CSRNP3: variants seen among roughly 807,000 people sequenced by gnomAD.
CSRNP3 encodes the protein cysteine/serine-rich nuclear protein 3.
CSRNP3 carries 12 observed loss-of-function variants against 48.0 expected under a neutral mutation model. That is an observed-to-expected ratio of 0.25 (90% CI 0.16 to 0.41). The LOEUF (loss-of-function observed/expected upper bound fraction) is 0.41, where lower values mean the gene tolerates loss of function less well. Among genes scored for constraint, CSRNP3 ranks in the 10% least tolerant of loss-of-function variants. CSRNP3 has a pLI of 1.00. For missense variants in CSRNP3, 580 were observed against 724.4 expected, an observed-to-expected ratio of 0.80 and a Z score of 2.29; for synonymous variants, 263 against 269.7, an observed-to-expected ratio of 0.98 and a Z score of 0.24.
chr2:165,495,087 C>T (rs761775461), intron 2 of CSRNP3, among the ~76,000 whole-genome samples, 159 bp downstream of exon 2: 24 of 152,004 alleles, frequency 1.6e-4, no homozygotes, highest in Admixed American at 6.6e-4. Context: ...AATTAAACTT[C>T]AGCAGTATAC....
At chr2:165,544,236 T>C (rs527767633) in intron 3 of CSRNP3, among the ~76,000 whole-genome samples, 57 of 151,998 alleles carry the variant, frequency 3.8e-4, no homozygotes, top group African/African-American at 1.4e-3. Context: ...TCTGGAGAAA[T>C]AGTGCTCCAG....
In CSRNP3 at chr2:165,513,227, G is replaced by A. The variant is rs536089760; in HGVS notation, c.-112-4646G>A. ...TTCAGAGTAAATGATGCTTGTGCTGGTTGCAGGCATATTAATTATGCAATG... is the reference window on the plus strand; with the variant it reads ...TTCAGAGTAAATGATGCTTGTGCTGATTGCAGGCATATTAATTATGCAATG... On this transcript the variant is annotated intron_variant, in intron 2 of 6. Coordinates refer to ENST00000651982, the MANE Select transcript of CSRNP3 (RefSeq NM_001172173.2). 6.6e-5 allele frequency among the ~76,000 whole-genome samples: 10 copies of A among 152,284 alleles called. 1 individual carries two copies. The South Asian group carries it at 2.1e-3, about 32-fold the overall frequency.
intron 3 of CSRNP3, among the ~76,000 whole-genome samples, chr2:165,520,783 T>TTATATATATATA (rs869287628): frequency 1.3e-4 from 4 of 29,682 alleles, no homozygotes; most frequent in African/African-American, 7.7e-4. Flanking sequence ...TATATATATA[T>TTATATATATATA]TATATATATA....
chr2:165,602,726 C>T lies in CSRNP3; in HGVS notation c.148+7513C>T, dbSNP rs189590035. 3.9e-4 allele frequency among the ~76,000 whole-genome samples: 60 copies of T among 152,198 alleles called. 1 individual carries two copies. The highest frequency in any genetic ancestry group is 1.3e-3 in the African/African-American group (53 of 41,548). On this transcript the variant is annotated intron_variant, in intron 4 of 6. Coordinates refer to ENST00000651982, the MANE Select transcript of CSRNP3 (RefSeq NM_001172173.2). ...TTCTTCTGGTCTTACTGAGACCATC[C>T]TTCAAACAGAAATATCTTTTTTTCC...
At chr2:165,602,683 A>G (rs1685934776) in intron 4 of CSRNP3, among the ~76,000 whole-genome samples, 1 of 152,172 alleles carries the variant, frequency 6.6e-6, no homozygotes, top group South Asian at 2.1e-4. Context: ...TAAATCAGAA[A>G]TAGTTAACCA....
At chr2:165,606,916 A>G (rs890956017) in intron 4 of CSRNP3, among the ~76,000 whole-genome samples, 1 of 152,258 alleles carries the variant, frequency 6.6e-6, no homozygotes, top group Non-Finnish European at 1.5e-5. Flanking sequence ...ACCTCTAGGG[A>G]TGAAGAGTAG....
intron 3 of CSRNP3, chr2:165,574,385 G>A (rs1685415971): frequency 1.9e-6 from 3 of 1,550,352 alleles, no homozygotes; most frequent in Non-Finnish European, 2.6e-6. Context: ...TTCTGAGAGT[G>A]AAGATTTTAC....
intron 1 of CSRNP3, among the ~76,000 whole-genome samples, chr2:165,471,017 T>C (rs1419272208): frequency 7.1e-6 from 1 of 140,530 alleles, no homozygotes; most frequent in African/African-American, 2.5e-5. Context: ...TATTGTACTT[T>C]TTTTGTTTGA....
At chr2:165,632,930 A>G (rs529449403) in intron 4 of CSRNP3, among the ~76,000 whole-genome samples, 1 of 152,344 alleles carries the variant, frequency 6.6e-6, no homozygotes, top group South Asian at 2.1e-4. Flanking sequence ...AAAAACACTT[A>G]GCACTGTGGT....
intron 4 of CSRNP3, among the ~76,000 whole-genome samples, chr2:165,598,965 C>T (rs1685854696): frequency 6.6e-6 from 1 of 152,028 alleles, no homozygotes; most frequent in Admixed American, 6.6e-5. Context: ...AGAGGTTGGG[C>T]ACAGTGGCTC....
Position 165,680,272 on chromosome 2 carries a change from C to T in CSRNP3, c.*519C>T, listed in dbSNP as rs1687511834. 1 of 153,772 alleles carries T rather than the reference C, an allele frequency of 6.5e-6. No homozygotes were observed. The highest frequency in any genetic ancestry group is 1.4e-5 in the Non-Finnish European group (1 of 68,968). The allele number at this position is 153,772 out of a possible 1,614,324, so 9.5% of individuals were successfully genotyped here. A position where few individuals can be genotyped will look rare whatever the true frequency, so the allele number is the denominator to read the frequency against. On this transcript the variant is annotated 3_prime_UTR_variant, in exon 7 of 7. Transcript: ENST00000651982. ...TGATGAAAATGAACAGCCGCATGTT[C>T]ATTCAAGCTGAAGATGCATAGCTAG...
intron 4 of CSRNP3, among the ~76,000 whole-genome samples, chr2:165,600,006 A>T (rs1685887230): frequency 6.7e-6 from 1 of 149,788 alleles, no homozygotes; most frequent in Non-Finnish European, 1.5e-5. Context: ...ATATGTATAC[A>T]TGTGCCATGC....
intron 4 of CSRNP3, among the ~76,000 whole-genome samples, chr2:165,648,486 AT>A (rs1686850377): frequency 6.6e-6 from 1 of 152,116 alleles, no homozygotes; most frequent in African/African-American, 2.4e-5. Flanking sequence ...AGATAAAATA[AT>A]TTTTTAAAAA....
chr2:165,653,087 T>C (rs1686941636), intron 4 of CSRNP3, among the ~76,000 whole-genome samples: 1 of 152,168 alleles, frequency 6.6e-6, no homozygotes, highest in Non-Finnish European at 1.5e-5. Context: ...GCAGAGACTC[T>C]TTTTTATGAC....
intron 2 of CSRNP3, among the ~76,000 whole-genome samples, chr2:165,496,227 C>T (rs774322246): frequency 5.9e-5 from 9 of 152,000 alleles, no homozygotes; most frequent in Admixed American, 2.0e-4. Context: ...AAAACACTTG[C>T]GAGAAGGGAA....
chr2:165,641,170 C>T (rs1222958078), intron 4 of CSRNP3, among the ~76,000 whole-genome samples: 2 of 152,110 alleles, frequency 1.3e-5, no homozygotes, highest in African/African-American at 4.8e-5. Flanking sequence ...CTGTAGTAAT[C>T]GATTGTGTGC....
chr2:165,495,402 C>G (rs1406188474), intron 2 of CSRNP3, among the ~76,000 whole-genome samples: 1 of 152,124 alleles, frequency 6.6e-6, no homozygotes, highest in Middle Eastern at 3.4e-3. Flanking sequence ...TGTTTGGACA[C>G]AGTTAAAACT....
At chr2:165,496,911 C>G (rs953157299) in intron 2 of CSRNP3, among the ~76,000 whole-genome samples, 3 of 151,984 alleles carry the variant, frequency 2.0e-5, no homozygotes, top group Non-Finnish European at 4.4e-5. Flanking sequence ...TTATTGATTT[C>G]TATAGCTTGT....
chr2:165,687,663 T>C lies in CSRNP3; in HGVS notation c.*7910T>C, dbSNP rs1218574667. The stretch of plus-strand genomic sequence containing the variant: ...ACCATTTGATCCCAGCCTTTGTCCT[T>C]GTGTTATTTAAACAATGGCTTCCTG... On this transcript the variant is annotated 3_prime_UTR_variant, in exon 7 of 7. Coordinates refer to ENST00000651982, the MANE Select transcript of CSRNP3 (RefSeq NM_001172173.2). 6.6e-6 allele frequency: 1 copy of C among 152,060 alleles called. No individual in the cohort carries two copies. The highest frequency in any genetic ancestry group is 1.5e-5 in the Non-Finnish European group (1 of 67,976). 9.4% of individuals were successfully genotyped at this position (152,060 alleles called of 1,614,324 possible). A position where few individuals can be genotyped will look rare whatever the true frequency, so the allele number is the denominator to read the frequency against.
Sources: gnomAD v4.1 joint callset for allele counts (sites outside exome capture counted in the v4.1 genomes callset) on GRCh38, gnomAD v4.1.1 for gene constraint, MANE v1.5 for transcripts, NCBI Gene and HGNC (gene_info 2026-07-23, HGNC 2026-07-21) for gene names.